UPF3A: variants seen among roughly 807,000 people sequenced by gnomAD.
UPF3A encodes UPF3A regulator of nonsense mediated mRNA decay.
UPF3A carries 42 observed loss-of-function variants against 53.5 expected under a neutral mutation model. The observed-to-expected ratio is 0.78, with a 90% CI of 0.61 to 1.01. The LOEUF is 1.01. UPF3A is among the 50% of genes least tolerant of loss of function. The pLI is 0.00. For missense variants in UPF3A, 575 were observed against 598.0 expected, an observed-to-expected ratio of 0.96 and a Z score of 0.40; for synonymous variants, 237 against 225.3, an observed-to-expected ratio of 1.05 and a Z score of -0.47.
At position 114,282,857 on chromosome 13, in the gene UPF3A, C is replaced by G; in HGVS notation, c.335C>G (p.Ser112Ter). 2 of 1,609,904 alleles carry G rather than the reference C, an allele frequency of 1.2e-6. No individual in the cohort carries two copies. Among genetic ancestry groups the G allele is most frequent in the Non-Finnish European group, 1.7e-6 (2 of 1,177,196 alleles). Reference sequence around the variant, plus strand: ...TTCAGTCTTTATCCTCATCTCTACTCAAGAGCATACATTAATTTTAGGAAT... The same window carrying G: ...TTCAGTCTTTATCCTCATCTCTACTGAAGAGCATACATTAATTTTAGGAAT... The part of the protein sequence containing the change: ...ADLSLYPHLY[S>*]RAYINFRNPD... The change falls in exon 3 of 10, where the codon TCA becomes TGA. Residue 112 changes from serine to a stop codon, truncating the protein, a stop_gained. Coordinates refer to ENST00000375299, the MANE Select transcript of UPF3A (RefSeq NM_023011.4). LOFTEE classifies it high-confidence loss of function.
At chr13:114,292,486 C>T (rs1314491750) in intron 7 of UPF3A, among the ~76,000 whole-genome samples, 4 of 148,092 alleles carry the variant, frequency 2.7e-5, no homozygotes, top group African/African-American at 7.6e-5. Context: ...CGGCTCAAGG[C>T]GTACACGTGC....
rs887142810 is a variant in UPF3A at position 114,295,623 on chromosome 13, A to G, written c.847-3217A>G. Among the ~76,000 whole-genome samples, 5 of 152,012 alleles carry G rather than the reference A, an allele frequency of 3.3e-5. No individual in the cohort carries two copies. In the East Asian group the frequency reaches 9.7e-4, roughly 29 times the overall value. On this transcript the variant is annotated intron_variant, in intron 7 of 9. Coordinates refer to ENST00000375299, the MANE Select transcript of UPF3A (RefSeq NM_023011.4). ...GTCTCTGATGCTTTACTCTCCCTTCATGTCTGTTCGTAGCTTTTGATGCTA... is the reference window on the plus strand; with the variant it reads ...GTCTCTGATGCTTTACTCTCCCTTCGTGTCTGTTCGTAGCTTTTGATGCTA...
chr13:114,281,974 C>G (rs1218073583), intron 1 of UPF3A, 47 bp from the exon 2 acceptor site: 3 of 1,517,904 alleles, frequency 2.0e-6, no homozygotes, highest in African/African-American at 1.4e-5. Context: ...TTTTGAGCTC[C>G]TTGTCCACGC....
intron 5 of UPF3A, chr13:114,287,556 A>C (rs922045395): frequency 3.3e-5 from 5 of 152,174 alleles, no homozygotes; most frequent in African/African-American, 7.2e-5. Flanking sequence ...GCACCACTGC[A>C]CTCCAGCCTG....
intron 8 of UPF3A, 41 bp from the exon 9 acceptor site, chr13:114,301,690 G>A: frequency 6.3e-7 from 1 of 1,574,938 alleles, no homozygotes; most frequent in Non-Finnish European, 8.6e-7. Flanking sequence ...CAGCCAACCG[G>A]CGGTTTACTG....
In UPF3A at chr13:114,282,034, G is replaced by A. The variant is rs1375258703; in HGVS notation, c.221G>A (p.Arg74His). ...RTALSKVVIR[R>H]LPPGLTKEQL... ...CGCTCCCCGCAGGTGGTCATCCGCC[G>A]CCTGCCTCCGGGCCTCACCAAGGAG... Residue 74 changes from arginine to histidine, a missense_variant, in exon 2 of 10, where the codon CGC (arginine) becomes CAC (histidine). By Grantham distance (29) the Arg-to-His change is conservative. Coordinates refer to ENST00000375299, the MANE Select transcript of UPF3A (RefSeq NM_023011.4). 2.6e-6 allele frequency: 4 copies of A among 1,560,564 alleles called. No homozygotes were observed. The highest frequency in any genetic ancestry group is 1.8e-4 in the Middle Eastern group (1 of 5,494).
At position 114,304,851 on chromosome 13, in the gene UPF3A, A is replaced by G. The variant is rs2086896998; in HGVS notation, c.1365A>G (p.Gly455=). 1.9e-6 allele frequency: 3 copies of G among 1,613,900 alleles called. No individual in the cohort carries two copies. Among genetic ancestry groups the G allele is most frequent in the Non-Finnish European group, 2.5e-6 (3 of 1,179,826 alleles). The stretch of plus-strand genomic sequence containing the variant: ...GCTTCCGAGCGCGAGAGTGTGGCGG[A>G]AACAGGAGGATCTGCAAGGCAGAAG... The part of the protein sequence containing the change: ...GARFRARECG[G]NRRICKAEGS... The change falls in exon 10 of 10, where the codon GGA becomes GGG. Residue 455 remains glycine, a synonymous_variant. Coordinates refer to ENST00000375299, the MANE Select transcript of UPF3A (RefSeq NM_023011.4).
At chr13:114,293,487 G>T (rs56369133) in intron 7 of UPF3A, among the ~76,000 whole-genome samples, 3,530 of 152,076 alleles carry the variant, frequency 0.023, 143 homozygotes, top group African/African-American at 0.081. Flanking sequence ...TCATTTCTTT[G>T]GCAGTAGCAC....
intron 3 of UPF3A, chr13:114,283,320 T>C (rs183447577): frequency 2.4e-4 from 37 of 155,560 alleles, no homozygotes; most frequent in Non-Finnish European, 4.3e-4. Context: ...GCATCCGGTC[T>C]ATTTGTGCAT....
rs767918514 is a variant in UPF3A at position 114,291,749 on chromosome 13, C to T, written c.803C>T (p.Thr268Ile). The change falls in exon 7 of 10, where the codon ACA becomes ATA. Residue 268 changes from threonine to isoleucine, a missense_variant. By Grantham distance (89) the Thr-to-Ile change is moderately conservative. Transcript: ENST00000375299. ...REEERCKKKE[T>I]DKQKKIAEKE... ...GAAGAAAGATGCAAAAAAAAAGAGA[C>T]AGATAAACAGAAGAAAATTGCAGAG... 4 of 1,589,898 alleles carry T rather than the reference C, an allele frequency of 2.5e-6. No individual in the cohort carries two copies. Among genetic ancestry groups the T allele is most frequent in the Non-Finnish European group, 3.4e-6 (4 of 1,166,136 alleles).
In UPF3A at chr13:114,291,534, T is replaced by C. The variant is rs758544348; in HGVS notation, c.677T>C (p.Leu226Ser). ...TTGGAATATATTAAAAATAGAAAAT[T>C]AGAAAAGCAGGTAGGTCTGGCCTTT... ...PLLEYIKNRKLEKQRIREEKR... is the reference protein window; with the variant it reads ...PLLEYIKNRKSEKQRIREEKR... Residue 226 changes from leucine (L) to serine (S), a missense_variant, in exon 6 of 10, where the codon TTA becomes TCA. Physicochemically the swap from Leu to Ser is moderately radical, Grantham distance 145. This residue lies in a region of UPF3A where 323 missense variants were observed against 415.2 expected (regional missense o/e 0.78). Coordinates refer to ENST00000375299, the MANE Select transcript of UPF3A (RefSeq NM_023011.4). 1.9e-6 allele frequency: 3 copies of C among 1,609,242 alleles called. No individual in the cohort carries two copies. Among genetic ancestry groups the C allele is most frequent in the South Asian group, 2.3e-5 (2 of 88,842 alleles).
intron 7 of UPF3A, among the ~76,000 whole-genome samples, chr13:114,294,322 G>A (rs1005318582): frequency 1.3e-5 from 2 of 151,462 alleles, no homozygotes; most frequent in African/African-American, 4.9e-5. Flanking sequence ...AGGCTGGAGT[G>A]TAGTGGCACA....
intron 8 of UPF3A, among the ~76,000 whole-genome samples, chr13:114,300,845 T>C (rs1326392822): frequency 1.3e-5 from 2 of 151,254 alleles, no homozygotes; most frequent in East Asian, 3.9e-4. Flanking sequence ...GGCCTAATTT[T>C]TGTATTTGTA....
intron 7 of UPF3A, among the ~76,000 whole-genome samples, chr13:114,297,403 C>A (rs926410748): frequency 1.3e-5 from 2 of 152,132 alleles, no homozygotes; most frequent in Admixed American, 1.3e-4. Flanking sequence ...ATAAACTATT[C>A]TAAAAATCAT....
In UPF3A at chr13:114,284,804, C is replaced by T. The variant is rs140215154; in HGVS notation, c.422-1498C>T. ...GCAAGGGGCCAGTCGTCCTTGTTTC[C>T]GGTTATCTTTGTTGTCGTTGTTTTG... On this transcript the variant is annotated intron_variant, in intron 3 of 9. Transcript: ENST00000375299. Among the ~76,000 whole-genome samples the T allele has an allele frequency of 1.0e-3, 153 of 152,228 alleles. 1 individual carries two copies. In the South Asian group the frequency reaches 0.016, roughly 16 times the overall value.
intron 7 of UPF3A, among the ~76,000 whole-genome samples, chr13:114,294,055 A>T (rs1364957982): frequency 1.3e-5 from 2 of 151,778 alleles, no homozygotes; most frequent in African/African-American, 4.8e-5. Flanking sequence ...AAGTTTGGGG[A>T]TTACAGGCGT....
intron 7 of UPF3A, among the ~76,000 whole-genome samples, chr13:114,298,497 G>C (rs1207317677): frequency 6.6e-6 from 1 of 151,998 alleles, no homozygotes; most frequent in Non-Finnish European, 1.5e-5. Context: ...CCGGGAGTGC[G>C]CCACGGCACT....
chr13:114,282,137 G>A lies in UPF3A; in HGVS notation c.314+10G>A, dbSNP rs767376939. ...TCGCCGCCGACCTGAGGTGAGGCCC[G>A]CCCCGAGGGGAGGAAGAGAGGGCGG... is the stretch of plus-strand genomic sequence containing the variant. On this transcript the variant is annotated intron_variant, in intron 2 of 9. Coordinates refer to ENST00000375299, the MANE Select transcript of UPF3A (RefSeq NM_023011.4). The A allele has an allele frequency of 3.9e-6, 6 of 1,544,504 alleles. No homozygotes were observed. In the East Asian group the frequency reaches 7.3e-5, roughly 19 times the overall value.
chr13:114,286,615 CA>C lies in UPF3A; in HGVS notation c.619del (p.Arg207GlufsTer20), dbSNP rs763626872. On this transcript the variant is annotated frameshift_variant, in exon 5 of 10. Transcript: ENST00000375299. LOFTEE classifies it high-confidence loss of function. ...CTGCTGGGGGAGATGGAGGCGAAGA[CA>C]AGAGAGCTCATTGGTCTGTTTTGCT... The part of the protein sequence containing the change: ...ETLLGEMEAK[T>X]RELIARRTTP... 1.1e-5 allele frequency: 17 copies of C among 1,612,870 alleles called. No individual in the cohort carries two copies. The highest frequency in any genetic ancestry group is 1.4e-5 in the Non-Finnish European group (17 of 1,179,386).
Sources: gnomAD v4.1 joint callset for allele counts (sites outside exome capture counted in the v4.1 genomes callset) on GRCh38, gnomAD v4.1.1 for gene constraint, gnomAD v4.1.1 regional missense constraint, MANE v1.5 for transcripts, NCBI Gene and HGNC (gene_info 2026-07-23, HGNC 2026-07-21) for gene names.